Variants in PTPRG observed in about 807,000 individuals in gnomAD.
The protein encoded by PTPRG is receptor-type tyrosine-protein phosphatase gamma.
Under a neutral mutation model 165.3 loss-of-function variants are expected in PTPRG, and 102 were observed. That is an observed-to-expected ratio of 0.62 (90% CI 0.53 to 0.73). The LOEUF (loss-of-function observed/expected upper bound fraction) is 0.73. Ranked by LOEUF, PTPRG falls within the 30% of genes least tolerant of loss-of-function variation. The probability of loss-of-function intolerance (pLI) is 0.00; values close to 1 mark genes in which losing one functional copy is unlikely to be tolerated. For missense variants in PTPRG, 1,866 were observed against 1,861.4 expected, an observed-to-expected ratio of 1.00 and a Z score of -0.05; for synonymous variants, 675 against 669.5, an observed-to-expected ratio of 1.01 and a Z score of -0.13.
At chr3:62,288,753 G>A (rs1400081061) in intron 28 of PTPRG, among the ~76,000 whole-genome samples, 1 of 151,724 alleles carries the variant, frequency 6.6e-6, no homozygotes, top group East Asian at 1.9e-4. Context: ...ATCTTTTAGA[G>A]TTTGATACTA....
intron 5 of PTPRG, among the ~76,000 whole-genome samples, chr3:62,099,523 T>C (rs953150944): frequency 2.6e-5 from 4 of 152,110 alleles, no homozygotes; most frequent in Non-Finnish European, 4.4e-5. Context: ...GTTGGAATTA[T>C]ATGACCATTA....
At chr3:61,982,011 A>G (rs1232075146) in intron 2 of PTPRG, among the ~76,000 whole-genome samples, 1 of 152,148 alleles carries the variant, frequency 6.6e-6, no homozygotes, top group East Asian at 1.9e-4. Context: ...CTAGAACTCA[A>G]GTTGCCAGTC....
chr3:62,245,750 T>G lies in PTPRG; in HGVS notation c.2467+1852T>G, dbSNP rs1240880162. On this transcript the variant is annotated intron_variant, in intron 15 of 29. Coordinates refer to ENST00000474889, the MANE Select transcript of PTPRG (RefSeq NM_002841.4). This position sits in a 1 kb window ranked among gnomAD's most constrained non-coding sequence, Gnocchi z 4.2. ...CGAAACGTGTAAGCTGTTGCAACTT[T>G]CCTTCCCAAATCATGGTACTGGTAA... Among the ~76,000 whole-genome samples, 1 of 152,114 alleles carries G rather than the reference T, an allele frequency of 6.6e-6. No homozygotes were observed. The highest frequency in any genetic ancestry group is 1.5e-5 in the Non-Finnish European group (1 of 68,006).
chr3:62,275,644 C>CCTAA (rs576708641), intron 23 of PTPRG, among the ~76,000 whole-genome samples: 115 of 152,224 alleles, frequency 7.6e-4, no homozygotes, highest in African/African-American at 2.7e-3. Flanking sequence ...CACCTGTGGT[C>CCTAA]CTAACTACTC....
rs552530994 is a variant in PTPRG, at chr3:62,215,034, C to T, written c.2156-3817C>T. ...AATGGGAGGGGCAAAGGCAGAGAGG[C>T]GGGACCATGGCTCAGCATGGTCACT... On this transcript the variant is annotated intron_variant, in intron 12 of 29. Transcript: ENST00000474889. 1.5e-3 allele frequency among the ~76,000 whole-genome samples: 231 copies of T among 152,248 alleles called. 3 individuals are homozygous for T. In the Middle Eastern group the frequency reaches 0.065, roughly 43 times the overall value.
rs34396141 is a variant in PTPRG at position 61,638,591 on chromosome 3, GTTTTTTTTTTT to G, written c.85+76236_85+76246del. On this transcript the variant is annotated intron_variant, in intron 1 of 29. Coordinates refer to ENST00000474889, the MANE Select transcript of PTPRG (RefSeq NM_002841.4). ...AGGCACACACCACCATGCCTGGCTA[GTTTTTTTTTTT>G]TTTTTTTTTTTTTTTTGGGGTAGAG... 9.2e-4 allele frequency among the ~76,000 whole-genome samples: 54 copies of G among 58,728 alleles called. 2 individuals carry two copies. The South Asian group carries it at 0.048, about 53-fold the overall frequency. 38.5% of individuals were successfully genotyped at this position (58,728 alleles called of 152,430 possible). A position where few individuals can be genotyped will look rare whatever the true frequency, so the allele number is the denominator to read the frequency against.
At chr3:62,182,876 C>T (rs1705715696) in intron 8 of PTPRG, among the ~76,000 whole-genome samples, 2 of 152,066 alleles carry the variant, frequency 1.3e-5, no homozygotes, top group Admixed American at 6.5e-5. Flanking sequence ...AGGATGGTCT[C>T]GATCTCTTGA....
At position 62,267,793 on chromosome 3, in the gene PTPRG, AT is replaced by A; in HGVS notation, c.2850del (p.Thr951ArgfsTer30). 6.2e-7 allele frequency: 1 copy of A among 1,613,212 alleles called. No homozygotes were observed. Among genetic ancestry groups the A allele is most frequent in the Non-Finnish European group, 8.5e-7 (1 of 1,179,440 alleles). On this transcript the variant is annotated frameshift_variant, in exon 19 of 30. Coordinates refer to ENST00000474889, the MANE Select transcript of PTPRG (RefSeq NM_002841.4). LOFTEE classifies it high-confidence loss of function. ...ACAAAACACTGGAATCATTGTGATG[AT>A]TACGAACCTTGTGGAAAAAGGAAGA... ...WEQNTGIIVM[I>X]TNLVEKGRRK...
intron 2 of PTPRG, among the ~76,000 whole-genome samples, chr3:61,906,143 A>T (rs2038643561): frequency 6.6e-6 from 1 of 151,018 alleles, no homozygotes; most frequent in African/African-American, 2.4e-5. Context: ...ACATTTTAAG[A>T]CCTTGGATTT....
intron 2 of PTPRG, among the ~76,000 whole-genome samples, chr3:61,986,104 ATTT>A (rs1478992723): frequency 6.7e-6 from 1 of 148,966 alleles, no homozygotes; most frequent in Non-Finnish European, 1.5e-5. Context: ...GAACAATCAT[ATTT>A]AATACGACAA....
chr3:61,795,955 C>A (rs1006922504), intron 2 of PTPRG, among the ~76,000 whole-genome samples: 1 of 152,116 alleles, frequency 6.6e-6, no homozygotes, highest in Non-Finnish European at 1.5e-5. Flanking sequence ...GCAGCAGATA[C>A]CTCTTTAACT....
At chr3:61,613,137 C>T (rs1356289140) in intron 1 of PTPRG, among the ~76,000 whole-genome samples, 1 of 152,110 alleles carries the variant, frequency 6.6e-6, no homozygotes, top group African/African-American at 2.4e-5. Flanking sequence ...ACTCAAAAGC[C>T]TAGTAGAATC....
chr3:61,579,774 G>C (rs1559510543), intron 1 of PTPRG, among the ~76,000 whole-genome samples: 1 of 152,218 alleles, frequency 6.6e-6, no homozygotes. Flanking sequence ...GGCCAGGTGA[G>C]CGAGGACAGA....
intron 1 of PTPRG, among the ~76,000 whole-genome samples, chr3:61,578,090 G>A (rs958620255): frequency 6.6e-6 from 1 of 152,220 alleles, no homozygotes; most frequent in African/African-American, 2.4e-5. Context: ...CAGCTCATGA[G>A]TAGACATTTA....
At chr3:61,750,532 T>C (rs979925050) in intron 2 of PTPRG, 2 of 152,204 alleles carry the variant, frequency 1.3e-5, no homozygotes, top group African/African-American at 4.8e-5. Flanking sequence ...CTGGAATGCA[T>C]TGTGTCTGAA....
At chr3:61,642,140 G>A (rs1333320743) in intron 1 of PTPRG, among the ~76,000 whole-genome samples, 1 of 152,100 alleles carries the variant, frequency 6.6e-6, no homozygotes, top group Middle Eastern at 3.2e-3. Context: ...CTGACCCCGA[G>A]TTATTAAATT....
intron 1 of PTPRG, among the ~76,000 whole-genome samples, chr3:61,574,277 C>T (rs1700127608): frequency 1.3e-5 from 2 of 152,150 alleles, no homozygotes; most frequent in South Asian, 2.1e-4. Flanking sequence ...AGGAGAAGGG[C>T]TTGCCTGAGC....
chr3:61,671,834 T>A, intron 1 of PTPRG, among the ~76,000 whole-genome samples: 1 of 113,154 alleles, frequency 8.8e-6, no homozygotes, highest in Non-Finnish European at 1.8e-5. Flanking sequence ...CACTTCCCAG[T>A]AGGGGCGGCC....
chr3:61,913,404 A>G (rs1425436741), intron 2 of PTPRG, among the ~76,000 whole-genome samples: 2 of 152,084 alleles, frequency 1.3e-5, no homozygotes, highest in Non-Finnish European at 2.9e-5. Context: ...TATTTTTAGT[A>G]GAGACGGGAT....
Sources: gnomAD v4.1 joint callset for allele counts (sites outside exome capture counted in the v4.1 genomes callset) on GRCh38, gnomAD v4.1.1 for gene constraint, Gnocchi (gnomAD v3.1) non-coding constraint, MANE v1.5 for transcripts, NCBI Gene and HGNC (gene_info 2026-07-23, HGNC 2026-07-21) for gene names.